PDE1C: variants seen among roughly 807,000 people sequenced by gnomAD.
PDE1C encodes the protein dual specificity calcium/calmodulin-dependent 3',5'-cyclic nucleotide phosphodiesterase 1C.
A neutral mutation model predicts 93.1 loss-of-function variants in PDE1C; 62 were observed. The ratio of observed to expected loss-of-function variants is 0.67; its 90% CI spans 0.54 to 0.82. PDE1C has a LOEUF of 0.82. Ranked by LOEUF, PDE1C falls within the 40% of genes least tolerant of loss-of-function variation. PDE1C has a pLI of 0.00. For synonymous variants in PDE1C, 325 were observed against 310.1 expected, an observed-to-expected ratio of 1.05 and a Z score of -0.50; for missense variants, 742 against 884.6, an observed-to-expected ratio of 0.84 and a Z score of 2.04.
At chr7:32,006,974 A>G (rs908813160) in intron 2 of PDE1C, among the ~76,000 whole-genome samples, 1 of 151,828 alleles carries the variant, frequency 6.6e-6, no homozygotes, top group Non-Finnish European at 1.5e-5. Flanking sequence ...AGGACTCCCT[A>G]CCTCCCCCGT....
At chr7:31,991,592 C>T (rs1015698142) in intron 2 of PDE1C, among the ~76,000 whole-genome samples, 10 of 152,192 alleles carry the variant, frequency 6.6e-5, no homozygotes, top group Admixed American at 4.6e-4. Flanking sequence ...AGCCTGGGAC[C>T]GAGCAGGTGC....
Position 31,865,030 on chromosome 7 carries a change from C to T in PDE1C, c.662G>A (p.Ser221Asn), listed in dbSNP as rs779128123. The T allele has an allele frequency of 9.3e-6, 15 of 1,614,040 alleles. No individual in the cohort carries two copies. The highest frequency in any genetic ancestry group is 1.7e-5 in the Admixed American group (1 of 60,014). ...SFVEALEVGYSKHKNPYHNLM... is the reference protein window; with the variant it reads ...SFVEALEVGYNKHKNPYHNLM... ...GTTATGGTAAGGATTTTTGTGCTTG[C>T]TGTATCCCACTTCCAGGGCCTCCAC... The change falls in exon 7 of 18, where the codon AGC becomes AAC. Residue 221 changes from serine to asparagine, a missense_variant. Transcript: ENST00000396191.
intron 12 of PDE1C, among the ~76,000 whole-genome samples, chr7:31,825,361 C>A (rs78953473): frequency 0.016 from 2,500 of 152,000 alleles, 26 homozygotes; most frequent in African/African-American, 0.029. Flanking sequence ...TCACTCTGGG[C>A]GGTGGGAATG....
At chr7:32,004,204 A>C (rs2128566590) in intron 2 of PDE1C, among the ~76,000 whole-genome samples, 1 of 151,858 alleles carries the variant, frequency 6.6e-6, no homozygotes, top group Admixed American at 6.6e-5. Flanking sequence ...CCTGGGGAAA[A>C]CCTCTGTTGT....
At chr7:32,082,493 CAGCTTT>C (rs1253108885) in intron 3 of PDE1C, among the ~76,000 whole-genome samples, 2 of 152,256 alleles carry the variant, frequency 1.3e-5, no homozygotes, top group Non-Finnish European at 2.9e-5. Context: ...CCCTGTCTGA[CAGCTTT>C]GAAGAGAGCA....
intron 1 of PDE1C, among the ~76,000 whole-genome samples, chr7:32,269,976 A>T (rs979495473): frequency 6.6e-6 from 1 of 151,752 alleles, no homozygotes; most frequent in African/African-American, 2.4e-5. Context: ...GGGTCTTGCT[A>T]TGTTGACTAG....
intron 1 of PDE1C, among the ~76,000 whole-genome samples, chr7:32,225,220 C>T (rs1807170172): frequency 6.6e-6 from 1 of 152,254 alleles, no homozygotes; most frequent in African/African-American, 2.4e-5. Context: ...GGTGGTGAGG[C>T]AGCCTGTGCT....
chr7:31,894,060 T>A (rs923213938), intron 2 of PDE1C, among the ~76,000 whole-genome samples: 2 of 152,252 alleles, frequency 1.3e-5, no homozygotes, highest in East Asian at 3.8e-4. Context: ...CTTTAGACTC[T>A]GACTTGGGGA....
intron 1 of PDE1C, among the ~76,000 whole-genome samples, chr7:32,370,010 T>G (rs1337988676): frequency 6.6e-6 from 1 of 152,208 alleles, no homozygotes; most frequent in African/African-American, 2.4e-5. Flanking sequence ...TAAATCATGC[T>G]ACTATAAAGA....
At chr7:31,817,509 C>T (rs903199613) in intron 14 of PDE1C, among the ~76,000 whole-genome samples, 3 of 152,136 alleles carry the variant, frequency 2.0e-5, no homozygotes, top group Non-Finnish European at 2.9e-5. Context: ...ACAGAAGACA[C>T]ATAACAGAGC....
chr7:31,965,657 C>T (rs956736809), intron 2 of PDE1C, among the ~76,000 whole-genome samples: 2 of 152,120 alleles, frequency 1.3e-5, no homozygotes, highest in Admixed American at 6.6e-5. Flanking sequence ...ACATAATTGT[C>T]AGATTCACCA....
intron 2 of PDE1C, among the ~76,000 whole-genome samples, chr7:31,964,032 G>A (rs536136191): frequency 1.8e-4 from 28 of 152,322 alleles, no homozygotes; most frequent in African/African-American, 3.8e-4. Context: ...CAGTGTGAGC[G>A]ATAAAGAAGA....
chr7:31,955,085 C>T (rs1013394305), intron 2 of PDE1C, among the ~76,000 whole-genome samples: 17 of 152,154 alleles, frequency 1.1e-4, no homozygotes, highest in Non-Finnish European at 1.0e-4. Context: ...TTTGAATCAC[C>T]GCCCCAACAG....
chr7:32,115,230 G>C (rs1798921520), intron 3 of PDE1C, among the ~76,000 whole-genome samples: 1 of 152,082 alleles, frequency 6.6e-6, no homozygotes, highest in South Asian at 2.1e-4. Flanking sequence ...CCCATCATCA[G>C]TGATGGACTG....
chr7:32,206,250 G>A (rs17341582), intron 2 of PDE1C, among the ~76,000 whole-genome samples: 51,639 of 151,688 alleles, frequency 0.34, 9,409 homozygotes, highest in Admixed American at 0.46. Context: ...ATAATGGGAC[G>A]GCTCACTGAT....
At chr7:32,394,527 G>C (rs1585140646) in intron 1 of PDE1C, among the ~76,000 whole-genome samples, 1 of 152,340 alleles carries the variant, frequency 6.6e-6, no homozygotes, top group East Asian at 1.9e-4. Context: ...AAGAGTCTGG[G>C]TTGGGCACAT....
At chr7:31,628,783 G>T in the PDE1C span, among the ~76,000 whole-genome samples, 1 of 152,062 alleles carries the variant, frequency 6.6e-6, no homozygotes, top group Non-Finnish European at 1.5e-5. Context: ...GGAAACTTTA[G>T]TTCTTCAGCT....
At chr7:32,396,135 T>C (rs1475463848) in intron 1 of PDE1C, among the ~76,000 whole-genome samples, 1 of 152,108 alleles carries the variant, frequency 6.6e-6, no homozygotes, top group Non-Finnish European at 1.5e-5. Flanking sequence ...GCTATGAGGG[T>C]GGACTAGCCC....
At chr7:31,720,043 G>A in the PDE1C span, among the ~76,000 whole-genome samples, 3 of 151,458 alleles carry the variant, frequency 2.0e-5, no homozygotes, top group African/African-American at 7.3e-5. Flanking sequence ...GGCGCCTGTA[G>A]TCCCAGCTAC....
Sources: gnomAD v4.1 joint callset for allele counts (sites outside exome capture counted in the v4.1 genomes callset) on GRCh38, gnomAD v4.1.1 for gene constraint, MANE v1.5 for transcripts, NCBI Gene and HGNC (gene_info 2026-07-23, HGNC 2026-07-21) for gene names.